The following DTL variants were observed in gnomAD, a reference collection of about 807,000 sequenced individuals.
DTL encodes denticleless E3 ubiquitin protein ligase adapter.
Under a neutral mutation model 87.0 loss-of-function variants are expected in DTL, and 46 were observed. That is an observed-to-expected ratio of 0.53 (90% CI 0.42 to 0.68). The LOEUF is 0.68. Among genes scored for constraint, DTL ranks in the 30% least tolerant of loss-of-function variants. DTL has a pLI of 0.00. For missense variants in DTL, 737 were observed against 869.4 expected (o/e 0.85, Z 1.91); for synonymous variants, 308 against 311.2 (o/e 0.99, Z 0.11).
chr1:212,036,021 C>T, intron 1 of DTL, 79 bp downstream of exon 1: 1 of 1,413,582 alleles, frequency 7.1e-7, no homozygotes, highest in Non-Finnish European at 9.9e-7. Flanking sequence ...CGACCAGGGC[C>T]GACTCCAATT....
At chr1:212,085,662 G>GT (rs1393891601) in intron 13 of DTL, among the ~76,000 whole-genome samples, 1 of 151,718 alleles carries the variant, frequency 6.6e-6, no homozygotes, top group Non-Finnish European at 1.5e-5. Flanking sequence ...CAGTTTATCT[G>GT]TTTTTTCCTT....
intron 5 of DTL, among the ~76,000 whole-genome samples, chr1:212,052,589 A>G (rs927748669): frequency 6.7e-6 from 1 of 149,548 alleles, no homozygotes; most frequent in Admixed American, 6.7e-5. Context: ...GTTAGCTGAG[A>G]TCGCACCACT....
intron 14 of DTL, 43 bp from the exon 15 acceptor site, chr1:212,102,799 G>A: frequency 7.2e-7 from 1 of 1,390,478 alleles, no homozygotes; most frequent in South Asian, 1.2e-5. Flanking sequence ...AGTAACAGTT[G>A]AACTTCAAGG....
At position 212,066,866 on chromosome 1, in the gene DTL, T is replaced by A; in HGVS notation, c.694T>A (p.Ser232Thr). ...CTTTCAAGACGAGAATACCTTAGTC[T>A]CAGCAGGAGCTGTGGATGGGTAAGA... is the stretch of plus-strand genomic sequence containing the variant. Reference protein sequence around the residue: ...VLFQDENTLVSAGAVDGIIKV... With the variant: ...VLFQDENTLVTAGAVDGIIKV... The change falls in exon 8 of 15, where the codon TCA (serine) becomes ACA (threonine). Residue 232 changes from serine (S) to threonine (T), a missense_variant. Coordinates refer to ENST00000366991, the MANE Select transcript of DTL (RefSeq NM_016448.4). 1 of 1,613,966 alleles carries A rather than the reference T, an allele frequency of 6.2e-7. No homozygotes were observed. Among genetic ancestry groups the A allele is most frequent in the Non-Finnish European group, 8.5e-7 (1 of 1,179,874 alleles).
intron 13 of DTL, among the ~76,000 whole-genome samples, chr1:212,090,120 A>G (rs1228850612): frequency 6.6e-6 from 1 of 152,200 alleles, no homozygotes; most frequent in African/African-American, 2.4e-5. Context: ...CCCTGTTACT[A>G]AGTCCTTTTC....
chr1:212,078,616 A>ATG (rs1421053332), intron 12 of DTL, among the ~76,000 whole-genome samples: 1 of 152,174 alleles, frequency 6.6e-6, no homozygotes, highest in African/African-American at 2.4e-5. Context: ...GATATTATCA[A>ATG]TGTAGTATAT....
intron 5 of DTL, chr1:212,052,120 G>A (rs1668003258): frequency 2.9e-6 from 2 of 685,942 alleles, no homozygotes; most frequent in Non-Finnish European, 5.2e-6. Context: ...TATCATCTCT[G>A]CTTTCATTGA....
At chr1:212,058,998 C>T (rs1460886208) in intron 5 of DTL, among the ~76,000 whole-genome samples, 1 of 152,034 alleles carries the variant, frequency 6.6e-6, no homozygotes, top group African/African-American at 2.4e-5. Flanking sequence ...ACTAGGAAAC[C>T]TGATCAAATC....
intron 11 of DTL, 81 bp downstream of exon 11, chr1:212,072,294 T>A: frequency 9.2e-7 from 1 of 1,084,730 alleles, no homozygotes; most frequent in Non-Finnish European, 1.4e-6. Flanking sequence ...GAGATAAGTT[T>A]AATGTAACCA....
At chr1:212,098,178 A>C (rs1655504872) in intron 13 of DTL, among the ~76,000 whole-genome samples, 1 of 152,210 alleles carries the variant, frequency 6.6e-6, no homozygotes. Context: ...AGTTTTATTT[A>C]GTGTACTGGT....
intron 13 of DTL, among the ~76,000 whole-genome samples, chr1:212,084,997 C>T (rs569932337): frequency 6.6e-6 from 1 of 152,330 alleles, no homozygotes; most frequent in South Asian, 2.1e-4. Context: ...CTCTAGATTA[C>T]TTAAAATACC....
intron 5 of DTL, among the ~76,000 whole-genome samples, chr1:212,061,733 C>T (rs77604597): frequency 0.062 from 9,384 of 152,182 alleles, 442 homozygotes; most frequent in African/African-American, 0.13. Flanking sequence ...TTCACATCAA[C>T]ATTATGTTAA....
At chr1:212,069,255 T>C (rs1654598671) in intron 10 of DTL, among the ~76,000 whole-genome samples, 1 of 152,068 alleles carries the variant, frequency 6.6e-6, no homozygotes, top group Non-Finnish European at 1.5e-5. Flanking sequence ...TTCTCAAGCA[T>C]GCTTTCCTCT....
At chr1:212,041,386 A>T (rs1223852356) in intron 1 of DTL, among the ~76,000 whole-genome samples, 2 of 146,986 alleles carry the variant, frequency 1.4e-5, no homozygotes, top group African/African-American at 5.0e-5. Context: ...TTTGCAGTTG[A>T]TTTTTTTTTT....
intron 13 of DTL, among the ~76,000 whole-genome samples, chr1:212,086,768 T>C (rs976625472): frequency 2.6e-4 from 40 of 152,256 alleles, no homozygotes; most frequent in Non-Finnish European, 5.0e-4. Context: ...TTTACCTAGC[T>C]ATTCTACTGT....
intron 5 of DTL, 113 bp downstream of exon 5, chr1:212,047,530 A>G (rs979577656): frequency 3.0e-6 from 4 of 1,340,328 alleles, no homozygotes; most frequent in Non-Finnish European, 4.1e-6. Context: ...TTACCTACAT[A>G]GATGATTAAG....
At chr1:212,086,016 C>T (rs931229529) in intron 13 of DTL, among the ~76,000 whole-genome samples, 2 of 152,184 alleles carry the variant, frequency 1.3e-5, no homozygotes, top group Non-Finnish European at 1.5e-5. Flanking sequence ...TCTGCATTGT[C>T]TTCATTACTG....
In DTL at chr1:212,059,628, T is replaced by G. The variant is rs537903061; in HGVS notation, c.461-3256T>G. On this transcript the variant is annotated intron_variant, in intron 5 of 14. Transcript: ENST00000366991. ...ACTGGAACAAGACAAGGACGCACGC[T>G]TTTCACCACTCCTATTCAACATGGT... is the stretch of plus-strand genomic sequence containing the variant. Among the ~76,000 whole-genome samples, 3 of 152,056 alleles carry G rather than the reference T, an allele frequency of 2.0e-5. No individual in the cohort carries two copies. In the South Asian group the frequency reaches 6.2e-4, roughly 32 times the overall value.
At chr1:212,102,794 C>A in intron 14 of DTL, 48 bp from the exon 15 acceptor site, 1 of 1,321,972 alleles carries the variant, frequency 7.6e-7, no homozygotes, top group Non-Finnish European at 1.1e-6. Flanking sequence ...AACTTAGTAA[C>A]AGTTGAACTT....
Sources: allele counts gnomAD v4.1 joint callset (sites outside exome capture counted in the v4.1 genomes callset), GRCh38; gene constraint gnomAD v4.1.1; transcripts MANE v1.5; gene names NCBI Gene and HGNC (gene_info 2026-07-23, HGNC 2026-07-21).